TRMT9B: variants seen among roughly 807,000 people sequenced by gnomAD.
TRMT9B encodes probable tRNA methyltransferase 9B.
Under a neutral mutation model 11.5 loss-of-function variants are expected in TRMT9B, and 16 were observed. The ratio of observed to expected loss-of-function variants is 1.39; its 90% CI spans 0.94 to 2.11. The LOEUF is 2.11. TRMT9B is among the 30% of genes most tolerant of loss of function. The pLI, the probability that TRMT9B is intolerant of heterozygous loss-of-function variation, is 0.00. For missense variants in TRMT9B, 941 were observed against 553.8 expected, an observed-to-expected ratio of 1.70 and a Z score of -7.02; for synonymous variants, 274 against 192.4, an observed-to-expected ratio of 1.42 and a Z score of -3.51.
At chr8:12,963,508 G>T (rs1251351139) in intron 1 of TRMT9B, among the ~76,000 whole-genome samples, 1 of 152,074 alleles carries the variant, frequency 6.6e-6, no homozygotes, top group African/African-American at 2.4e-5. Context: ...CTAGTGTTTT[G>T]GGAGGCAGAG....
At chr8:13,010,667 A>T (rs538076027) in intron 3 of TRMT9B, 1 of 984,488 alleles carries the variant, frequency 1.0e-6, no homozygotes, top group Admixed American at 6.1e-5. Context: ...CTCATTCTAA[A>T]GATGTATGAG....
intron 3 of TRMT9B, among the ~76,000 whole-genome samples, chr8:13,008,752 G>C (rs906244995): frequency 6.6e-6 from 1 of 151,764 alleles, no homozygotes; most frequent in Non-Finnish European, 1.5e-5. Flanking sequence ...TTTTTGAGAC[G>C]GAGTCTTGCT....
chr8:12,985,171 C>T (rs999187996), intron 1 of TRMT9B, among the ~76,000 whole-genome samples: 4 of 152,184 alleles, frequency 2.6e-5, no homozygotes, highest in South Asian at 2.1e-4. Flanking sequence ...ACGCCCCTCA[C>T]GTTGTTCACT....
chr8:12,999,605 A>G (rs774836632), intron 2 of TRMT9B, among the ~76,000 whole-genome samples: 12 of 152,214 alleles, frequency 7.9e-5, no homozygotes, highest in Non-Finnish European at 1.3e-4. Flanking sequence ...CACTAAACGT[A>G]TTTAGACCTA....
chr8:12,966,543 G>A (rs1802849625), intron 1 of TRMT9B, among the ~76,000 whole-genome samples: 1 of 152,180 alleles, frequency 6.6e-6, no homozygotes. Context: ...ATAAAAGCAT[G>A]TGTTGGAAAG....
At chr8:13,010,594 G>A (rs1017214579) in intron 3 of TRMT9B, 10 of 985,196 alleles carry the variant, frequency 1.0e-5, no homozygotes, top group Admixed American at 6.1e-5. Flanking sequence ...GGCACTGGAA[G>A]CATGTCAGGA....
chr8:12,993,964 A>G (rs375482486), intron 2 of TRMT9B, among the ~76,000 whole-genome samples: 1 of 152,202 alleles, frequency 6.6e-6, no homozygotes, highest in South Asian at 2.1e-4. Context: ...ATGAGGCATG[A>G]GGATCTTTTC....
chr8:12,978,852 A>T (rs936196139), intron 1 of TRMT9B, among the ~76,000 whole-genome samples: 2 of 152,204 alleles, frequency 1.3e-5, no homozygotes, highest in African/African-American at 4.8e-5. Context: ...CACCCATGTT[A>T]ATAAACTCAA....
At position 12,985,057 on chromosome 8, in the gene TRMT9B, A is replaced by T. The variant is rs576822461; in HGVS notation, c.-199-5777A>T. ...CCCCTATTTCGTTTTGGGGGCTAATATCCTACTCTTAGTGAACAGTTCATT... is the reference window on the plus strand; with the variant it reads ...CCCCTATTTCGTTTTGGGGGCTAATTTCCTACTCTTAGTGAACAGTTCATT... On this transcript the variant is annotated intron_variant, in intron 1 of 4. Transcript: ENST00000524591. Among the ~76,000 whole-genome samples the T allele has an allele frequency of 6.3e-4, 96 of 152,088 alleles. 1 individual carries two copies. Among genetic ancestry groups the T allele is most frequent in the African/African-American group, 2.3e-3 (95 of 41,466 alleles).
chr8:12,976,566 C>A (rs1804484825), intron 1 of TRMT9B, among the ~76,000 whole-genome samples: 2 of 151,312 alleles, frequency 1.3e-5, no homozygotes, highest in African/African-American at 4.9e-5. Context: ...ATAGTAAAAC[C>A]CTGTCTCTAC....
At chr8:12,987,199 G>C (rs1347796278) in intron 1 of TRMT9B, among the ~76,000 whole-genome samples, 1 of 152,182 alleles carries the variant, frequency 6.6e-6, no homozygotes, top group Admixed American at 6.5e-5. Flanking sequence ...CTTTGGGAAA[G>C]TCACTTAGGT....
intron 2 of TRMT9B, among the ~76,000 whole-genome samples, chr8:12,993,637 T>A (rs1173680654): frequency 6.6e-6 from 1 of 152,178 alleles, no homozygotes; most frequent in East Asian, 1.9e-4. Flanking sequence ...GTGACAACTT[T>A]GATCTTCTAG....
intron 3 of TRMT9B, chr8:13,011,900 G>A (rs1811675655): frequency 4.1e-6 from 4 of 984,988 alleles, no homozygotes; most frequent in South Asian, 9.4e-5. Context: ...GCATGTTTTA[G>A]TGTATAAATA....
intron 1 of TRMT9B, among the ~76,000 whole-genome samples, chr8:12,986,048 G>A (rs1002849948): frequency 9.2e-5 from 14 of 152,036 alleles, no homozygotes; most frequent in African/African-American, 3.1e-4. Flanking sequence ...TTTTAGTAGA[G>A]ACGGGGTTTC....
At chr8:12,971,965 G>A (rs1489515983) in intron 1 of TRMT9B, among the ~76,000 whole-genome samples, 1 of 152,108 alleles carries the variant, frequency 6.6e-6, no homozygotes, top group African/African-American at 2.4e-5. Flanking sequence ...GGAGAGACAA[G>A]CCATAAATAA....
chr8:12,959,256 C>T (rs951260866), intron 1 of TRMT9B, among the ~76,000 whole-genome samples: 2 of 152,040 alleles, frequency 1.3e-5, no homozygotes, highest in African/African-American at 4.8e-5. Context: ...AATTTTTGAG[C>T]ACTAATATGA....
At chr8:12,966,670 A>G (rs1165658097) in intron 1 of TRMT9B, among the ~76,000 whole-genome samples, 2 of 152,176 alleles carry the variant, frequency 1.3e-5, no homozygotes, top group African/African-American at 4.8e-5. Context: ...TCTTTGATTA[A>G]TACAGGAGAT....
chr8:12,980,303 C>G (rs1286172012), intron 1 of TRMT9B, among the ~76,000 whole-genome samples: 1 of 152,210 alleles, frequency 6.6e-6, no homozygotes, highest in Non-Finnish European at 1.5e-5. Flanking sequence ...TCTGTCTTCT[C>G]TCCTGTCTAT....
chr8:12,971,723 A>T (rs1169331891), intron 1 of TRMT9B, among the ~76,000 whole-genome samples: 2 of 152,188 alleles, frequency 1.3e-5, no homozygotes. Flanking sequence ...AGAAAAAGAG[A>T]GTTCAGCTAC....
Sources: gnomAD v4.1 joint callset for allele counts (sites outside exome capture counted in the v4.1 genomes callset) on GRCh38, gnomAD v4.1.1 for gene constraint, MANE v1.5 for transcripts, NCBI Gene and HGNC (gene_info 2026-07-23, HGNC 2026-07-21) for gene names.